Variants in ERBB4 observed in about 807,000 individuals in gnomAD.
The protein encoded by ERBB4 is erb-b2 receptor tyrosine kinase 4.
ERBB4 carries 42 observed loss-of-function variants against 158.0 expected under a neutral mutation model. The observed-to-expected ratio is 0.27, with a 90% CI of 0.21 to 0.34. The LOEUF (loss-of-function observed/expected upper bound fraction) is 0.34. Among genes scored for constraint, ERBB4 ranks in the 10% least tolerant of loss-of-function variants. ERBB4 has a pLI of 1.00. For synonymous variants in ERBB4, 583 were observed against 558.7 expected, an observed-to-expected ratio of 1.04 and a Z score of -0.61; for missense variants, 1,333 against 1,624.1, an observed-to-expected ratio of 0.82 and a Z score of 3.08.
At chr2:211,815,307 T>G (rs893380919) in intron 3 of ERBB4, among the ~76,000 whole-genome samples, 5 of 152,200 alleles carry the variant, frequency 3.3e-5, no homozygotes, top group Non-Finnish European at 5.9e-5. Flanking sequence ...AAAACAATAT[T>G]TTAAAAATAA....
At chr2:211,954,692 G>C (rs868104549) in intron 2 of ERBB4, among the ~76,000 whole-genome samples, 7 of 152,024 alleles carry the variant, frequency 4.6e-5, no homozygotes, top group Non-Finnish European at 7.4e-5. Context: ...TGCTGGTAAT[G>C]ACTGCAGAAT....
At chr2:211,552,522 C>T (rs910027947) in intron 20 of ERBB4, among the ~76,000 whole-genome samples, 11 of 151,822 alleles carry the variant, frequency 7.2e-5, no homozygotes, top group Non-Finnish European at 1.0e-4. Context: ...TTAGAATCAC[C>T]CTTTCAACTA....
At position 212,399,710 on chromosome 2, in the gene ERBB4, CAA is replaced by C. The variant is rs774502441; in HGVS notation, c.82+138737_82+138738del. Among the ~76,000 whole-genome samples, 19 of 106,512 alleles carry C rather than the reference CAA, an allele frequency of 1.8e-4. 1 individual carries two copies. Among genetic ancestry groups the C allele is most frequent in the African/African-American group, 5.8e-4 (17 of 29,088 alleles). 69.9% of individuals were successfully genotyped at this position (106,512 alleles called of 152,430 possible). A position where few individuals can be genotyped will look rare whatever the true frequency, so the allele number is the denominator to read the frequency against. On this transcript the variant is annotated intron_variant, in intron 1 of 27. Transcript: ENST00000342788. ...TGAAACCCCGTCTCTACTAAAAATA[CAA>C]AAAAAAAAAAAAAATTAGCCTGCTG...
At chr2:211,924,429 T>C (rs1248929091) in intron 3 of ERBB4, among the ~76,000 whole-genome samples, 1 of 151,994 alleles carries the variant, frequency 6.6e-6, no homozygotes. Flanking sequence ...AAGCAACATA[T>C]GGGTGTATCA....
chr2:211,424,410 A>G, intron 22 of ERBB4, 109 bp from the exon 23 acceptor site: 2 of 707,422 alleles, frequency 2.8e-6, no homozygotes. Flanking sequence ...TCCAAACACC[A>G]ATCAATTAAA....
At chr2:212,173,334 C>A (rs1356428346) in intron 1 of ERBB4, among the ~76,000 whole-genome samples, 3 of 152,156 alleles carry the variant, frequency 2.0e-5, no homozygotes, top group South Asian at 4.1e-4. Context: ...AGGCAACATA[C>A]AACAGAAACA....
chr2:211,642,839 C>A (rs1279091300), intron 16 of ERBB4, among the ~76,000 whole-genome samples: 1 of 151,982 alleles, frequency 6.6e-6, no homozygotes, highest in Admixed American at 6.6e-5. Flanking sequence ...TTAAACTTAA[C>A]AAAAGCATAA....
chr2:212,531,660 C>T (rs1448857748), intron 1 of ERBB4, among the ~76,000 whole-genome samples: 1 of 151,990 alleles, frequency 6.6e-6, no homozygotes, highest in African/African-American at 2.4e-5. Context: ...ATTCATAGTA[C>T]TTATTTTAAA....
chr2:212,339,073 G>A (rs773313404), intron 1 of ERBB4, among the ~76,000 whole-genome samples: 9 of 152,028 alleles, frequency 5.9e-5, no homozygotes, highest in Admixed American at 4.6e-4. Context: ...ATAGGTAAAC[G>A]TGTGCCATGG....
intron 1 of ERBB4, among the ~76,000 whole-genome samples, chr2:212,216,559 T>C (rs575857395): frequency 6.6e-6 from 1 of 151,326 alleles, no homozygotes; most frequent in South Asian, 2.1e-4. Flanking sequence ...TACAGACTTA[T>C]GAAGGGTCTA....
Position 211,915,357 on chromosome 2 carries a change from A to G in ERBB4, c.421+32073T>C, listed in dbSNP as rs547389406. ...ATAACAATCTTAATTAAAGTTTCACATCAACATTTCATCCTGCTTTAGATT... is the reference window on the plus strand; with the variant it reads ...ATAACAATCTTAATTAAAGTTTCACGTCAACATTTCATCCTGCTTTAGATT... On this transcript the variant is annotated intron_variant, in intron 3 of 27. Transcript: ENST00000342788. 2.6e-5 allele frequency among the ~76,000 whole-genome samples: 4 copies of G among 152,070 alleles called. No homozygotes were observed. In the South Asian group the frequency reaches 8.3e-4, roughly 32 times the overall value.
At chr2:212,492,216 A>G (rs1227856578) in intron 1 of ERBB4, among the ~76,000 whole-genome samples, 1 of 151,454 alleles carries the variant, frequency 6.6e-6, no homozygotes, top group African/African-American at 2.4e-5. Context: ...AAGATTATCT[A>G]TATCTTCACC....
chr2:212,358,211 T>C (rs2089539930), intron 1 of ERBB4, among the ~76,000 whole-genome samples: 1 of 151,874 alleles, frequency 6.6e-6, no homozygotes, highest in African/African-American at 2.4e-5. Context: ...CATAAAATAC[T>C]TACGTGACCT....
intron 20 of ERBB4, among the ~76,000 whole-genome samples, chr2:211,504,407 C>T (rs897020362): frequency 6.6e-6 from 1 of 151,942 alleles, no homozygotes; most frequent in African/African-American, 2.4e-5. Context: ...CCAAAAGACC[C>T]TACCCAACAT....
rs150984778 is a variant in ERBB4 at position 211,570,634 on chromosome 2, C to T, written c.2302-8546G>A. Among the ~76,000 whole-genome samples, 272 of 152,224 alleles carry T rather than the reference C, an allele frequency of 1.8e-3. 1 individual carries two copies. The highest frequency in any genetic ancestry group is 3.3e-3 in the Non-Finnish European group (227 of 68,012). ...TGAATCATTTTACCATGATTTATCT[C>T]TAGTACAACTTCACCTTCACTGTGC... On this transcript the variant is annotated intron_variant, in intron 19 of 27. Coordinates refer to ENST00000342788, the MANE Select transcript of ERBB4 (RefSeq NM_005235.3).
chr2:211,466,210 G>A (rs191523101), intron 20 of ERBB4, among the ~76,000 whole-genome samples: 59 of 152,112 alleles, frequency 3.9e-4, no homozygotes, highest in Admixed American at 6.6e-4. Flanking sequence ...CCTCCAGGCC[G>A]GCATTGTTGT....
At chr2:212,406,512 T>C (rs1416269264) in intron 1 of ERBB4, among the ~76,000 whole-genome samples, 3 of 152,186 alleles carry the variant, frequency 2.0e-5, no homozygotes, top group African/African-American at 4.8e-5. Context: ...CTGTTACAAA[T>C]TGCAGATAAA....
At chr2:211,701,650 G>T (rs748552960) in intron 12 of ERBB4, among the ~76,000 whole-genome samples, 1 of 151,394 alleles carries the variant, frequency 6.6e-6, no homozygotes, top group Admixed American at 6.6e-5. Context: ...CCCAGCTACC[G>T]GAGGCTGAGG....
At chr2:212,299,918 T>G (rs757006593) in intron 1 of ERBB4, among the ~76,000 whole-genome samples, 1 of 151,624 alleles carries the variant, frequency 6.6e-6, no homozygotes, top group African/African-American at 2.4e-5. Flanking sequence ...TGTCCTACAT[T>G]AAATCAGTTG....
Sources: gnomAD v4.1 joint callset for allele counts (sites outside exome capture counted in the v4.1 genomes callset) on GRCh38, gnomAD v4.1.1 for gene constraint, MANE v1.5 for transcripts, NCBI Gene and HGNC (gene_info 2026-07-23, HGNC 2026-07-21) for gene names.